CCDC171: variants seen among roughly 807,000 people sequenced by gnomAD.
CCDC171 encodes coiled-coil domain-containing protein 171.
A neutral mutation model predicts 168.2 loss-of-function variants in CCDC171; 177 were observed. The observed-to-expected ratio is 1.05, with a 90% CI of 0.93 to 1.19. CCDC171 has a LOEUF of 1.19. Among genes scored for constraint, CCDC171 ranks in the 50% most tolerant of loss-of-function variants. CCDC171 has a pLI of 0.00. For synonymous variants in CCDC171, 687 were observed against 540.8 expected (o/e 1.27, Z -3.75); for missense variants, 1,991 against 1,539.0 (o/e 1.29, Z -4.91).
intron 7 of CCDC171, among the ~76,000 whole-genome samples, chr9:15,624,526 T>C (rs555449446): frequency 2.6e-5 from 4 of 152,196 alleles, no homozygotes; most frequent in Admixed American, 2.0e-4. Context: ...AGTGTTCTCA[T>C]TGTTCAATTC....
At chr9:15,903,273 G>A (rs146792631) in intron 24 of CCDC171, among the ~76,000 whole-genome samples, 1,721 of 152,238 alleles carry the variant, frequency 0.011, 35 homozygotes, top group African/African-American at 0.039. Context: ...TAACTGGGAG[G>A]CACCCCCCTA....
chr9:15,953,358 T>C (rs1829426005), intron 25 of CCDC171, among the ~76,000 whole-genome samples: 1 of 152,180 alleles, frequency 6.6e-6, no homozygotes, highest in Admixed American at 6.6e-5. Flanking sequence ...TTTCCTTCTA[T>C]TCCTAGTTTG....
At chr9:15,927,882 T>C (rs1346517982) in intron 25 of CCDC171, among the ~76,000 whole-genome samples, 1 of 151,728 alleles carries the variant, frequency 6.6e-6, no homozygotes, top group Non-Finnish European at 1.5e-5. Flanking sequence ...TCCAGGTAAG[T>C]TGCTTCCACA....
In CCDC171 at chr9:15,633,683, G is replaced by C. The variant is rs533800155; in HGVS notation, c.822+10270G>C. On this transcript the variant is annotated intron_variant, in intron 7 of 25. Transcript: ENST00000380701. Reference sequence around the variant, plus strand: ...GCCATCCCATTACTGGGTATATACCGAAAGGACTATAAATCATTCTACTAT... The same window carrying C: ...GCCATCCCATTACTGGGTATATACCCAAAGGACTATAAATCATTCTACTAT... Among the ~76,000 whole-genome samples, 269 of 152,166 alleles carry C rather than the reference G, an allele frequency of 1.8e-3. 3 individuals carry two copies. The highest frequency in any genetic ancestry group is 6.8e-3 in the Middle Eastern group (2 of 294).
At chr9:16,078,333 T>C in the CCDC171 span, among the ~76,000 whole-genome samples, 1 of 151,938 alleles carries the variant, frequency 6.6e-6, no homozygotes, top group South Asian at 2.1e-4. Flanking sequence ...GCAGGGAGAA[T>C]TGAGGTATGG....
intron 2 of CCDC171, among the ~76,000 whole-genome samples, chr9:15,565,818 G>A (rs1453921034): frequency 6.6e-6 from 1 of 152,214 alleles, no homozygotes; most frequent in Non-Finnish European, 1.5e-5. Flanking sequence ...TGCTGTGCAT[G>A]TTTGCATATG....
intron 25 of CCDC171, among the ~76,000 whole-genome samples, chr9:15,924,422 C>A (rs1037765798): frequency 2.6e-4 from 37 of 142,052 alleles, no homozygotes; most frequent in African/African-American, 9.9e-4. Context: ...GTACTTAGGA[C>A]CTTGCCTCAC....
chr9:15,724,936 A>G lies in CCDC171; in HGVS notation c.1652A>G (p.Glu551Gly), dbSNP rs779657982. The G allele has an allele frequency of 5.6e-6, 9 of 1,613,850 alleles. No individual in the cohort carries two copies. The African/African-American group carries it at 9.3e-5, about 17-fold the overall frequency. ...EKAQAAQSES[E>G]LQKLSQAFHK... The stretch of plus-strand genomic sequence containing the variant: ...GCTCAGGCAGCCCAGTCTGAAAGTG[A>G]ACTGCAGAAGCTTTCCCAGGCTTTC... Residue 551 changes from glutamate (E) to glycine (G), a missense_variant, in exon 14 of 26, where the codon GAA (glutamate) becomes GGA (glycine). By Grantham distance (98) the Glu-to-Gly change is moderately conservative (BLOSUM62 -2). Transcript: ENST00000380701.
At chr9:15,578,581 A>C (rs1242560946) in intron 3 of CCDC171, among the ~76,000 whole-genome samples, 2 of 151,396 alleles carry the variant, frequency 1.3e-5, no homozygotes, top group African/African-American at 4.8e-5. Context: ...AGGTGTGACT[A>C]TTTCTGATTA....
At chr9:15,576,790 A>G (rs1381504830) in intron 3 of CCDC171, among the ~76,000 whole-genome samples, 1 of 152,220 alleles carries the variant, frequency 6.6e-6, no homozygotes, top group Non-Finnish European at 1.5e-5. Flanking sequence ...TCTGCTATAT[A>G]AGCTATTTCC....
At chr9:15,751,669 C>T (rs2055752840) in intron 18 of CCDC171, among the ~76,000 whole-genome samples, 1 of 152,160 alleles carries the variant, frequency 6.6e-6, no homozygotes, top group African/African-American at 2.4e-5. Context: ...AAAGCATTCC[C>T]TATTTAATAA....
intron 23 of CCDC171, among the ~76,000 whole-genome samples, chr9:15,871,530 T>C (rs898433769): frequency 6.6e-6 from 1 of 152,084 alleles, no homozygotes; most frequent in African/African-American, 2.4e-5. Context: ...TTTTTGACAG[T>C]AACTAATTTG....
intron 8 of CCDC171, among the ~76,000 whole-genome samples, chr9:15,664,784 T>C (rs1045099460): frequency 4.0e-4 from 59 of 146,714 alleles, no homozygotes; most frequent in Non-Finnish European, 7.8e-4. Context: ...CTGCAACCTC[T>C]GCCTCCCAGG....
chr9:15,778,093 C>T (rs1038739373), intron 19 of CCDC171, among the ~76,000 whole-genome samples: 1 of 147,606 alleles, frequency 6.8e-6, no homozygotes, highest in African/African-American at 2.5e-5. Flanking sequence ...GTCAGGAGAT[C>T]GAGACCATCC....
intron 9 of CCDC171, among the ~76,000 whole-genome samples, chr9:15,675,014 T>C (rs1213217908): frequency 6.6e-6 from 1 of 152,140 alleles, no homozygotes; most frequent in Non-Finnish European, 1.5e-5. Context: ...TGTAGGTCTC[T>C]AAGGACTTGC....
At chr9:15,773,014 A>C (rs2057093716) in intron 18 of CCDC171, among the ~76,000 whole-genome samples, 1 of 151,908 alleles carries the variant, frequency 6.6e-6, no homozygotes, top group South Asian at 2.1e-4. Context: ...TCATTATTAC[A>C]ATATTAGTAA....
At chr9:15,598,569 C>G (rs989264277) in intron 6 of CCDC171, among the ~76,000 whole-genome samples, 6 of 152,048 alleles carry the variant, frequency 3.9e-5, no homozygotes, top group Non-Finnish European at 5.9e-5. Context: ...TTACTTCCAA[C>G]TATGTGGTCA....
At chr9:15,604,061 G>A (rs764290629) in intron 6 of CCDC171, among the ~76,000 whole-genome samples, 5 of 148,938 alleles carry the variant, frequency 3.4e-5, no homozygotes, top group Middle Eastern at 3.5e-3. Context: ...TTTTTGAGAA[G>A]TGTCTGTTTA....
chr9:15,797,715 G>C (rs1464104287), intron 21 of CCDC171, among the ~76,000 whole-genome samples: 1 of 151,694 alleles, frequency 6.6e-6, no homozygotes, highest in Non-Finnish European at 1.5e-5. Context: ...AACTTTTATT[G>C]TTGTAGTTGA....
Sources: allele counts gnomAD v4.1 joint callset (sites outside exome capture counted in the v4.1 genomes callset), GRCh38; gene constraint gnomAD v4.1.1; transcripts MANE v1.5; gene names NCBI Gene and HGNC (gene_info 2026-07-23, HGNC 2026-07-21).